DEPTOR: variants seen among roughly 807,000 people sequenced by gnomAD.
DEPTOR encodes the protein DEP domain-containing mTOR-interacting protein.
Under a neutral mutation model 41.6 loss-of-function variants are expected in DEPTOR, and 41 were observed. The observed-to-expected ratio is 0.98, with a 90% CI of 0.77 to 1.28. DEPTOR has a LOEUF of 1.28. DEPTOR is among the 50% of genes most tolerant of loss of function. DEPTOR has a pLI of 0.00. For missense variants in DEPTOR, 514 were observed against 527.9 expected (o/e 0.97, Z 0.26); for synonymous variants, 195 against 192.3 (o/e 1.01, Z -0.12).
intron 2 of DEPTOR, 143 bp downstream of exon 2, chr8:119,928,721 C>T: frequency 4.5e-6 from 3 of 668,462 alleles, no homozygotes; most frequent in Admixed American, 4.1e-5. Context: ...CTTCCTGCCT[C>T]TAAGAGGCAT....
intron 4 of DEPTOR, among the ~76,000 whole-genome samples, chr8:119,988,171 G>C (rs767909276): frequency 5.3e-5 from 8 of 152,166 alleles, no homozygotes; most frequent in Non-Finnish European, 1.2e-4. Flanking sequence ...CTGGTCTGCG[G>C]GTTGTGAAGA....
intron 8 of DEPTOR, among the ~76,000 whole-genome samples, chr8:120,034,417 C>CT (rs951920873): frequency 2.3e-4 from 33 of 144,320 alleles, no homozygotes; most frequent in South Asian, 1.8e-3. Context: ...AAATCAGTAA[C>CT]TTTTTTTTTC....
intron 4 of DEPTOR, among the ~76,000 whole-genome samples, chr8:119,998,063 A>G (rs993274583): frequency 1.3e-5 from 2 of 152,184 alleles, no homozygotes; most frequent in Non-Finnish European, 2.9e-5. Flanking sequence ...CTAACTCAAT[A>G]CATGGTAGTT....
intron 3 of DEPTOR, among the ~76,000 whole-genome samples, chr8:119,961,791 T>G (rs1828496180): frequency 6.6e-6 from 1 of 152,142 alleles, no homozygotes; most frequent in Non-Finnish European, 1.5e-5. Context: ...TAGTTCAATT[T>G]GTATTGTATA....
chr8:119,923,399 A>C (rs936886209), intron 1 of DEPTOR, among the ~76,000 whole-genome samples: 1 of 151,876 alleles, frequency 6.6e-6, no homozygotes, highest in Admixed American at 6.6e-5. Flanking sequence ...GTGTGCCACA[A>C]CACCCAGCTA....
Position 119,873,744 on chromosome 8 carries a change from C to T in DEPTOR, c.-103C>T. On this transcript the variant is annotated 5_prime_UTR_variant, in exon 1 of 9. Transcript: ENST00000286234. The stretch of plus-strand genomic sequence containing the variant: ...TCCAGTCAGAGCAGCGGAGCTGCCC[C>T]GAACAAAGATGGCGCGGGAAGCGTC... 6.6e-7 allele frequency: 1 copy of T among 1,517,686 alleles called. No homozygotes were observed. The highest frequency in any genetic ancestry group is 2.4e-5 in the East Asian group (1 of 41,062). 94.0% of individuals were successfully genotyped at this position (1,517,686 alleles called of 1,614,324 possible). A position where few individuals can be genotyped will look rare whatever the true frequency, so the allele number is the denominator to read the frequency against.
intron 1 of DEPTOR, among the ~76,000 whole-genome samples, chr8:119,889,738 C>T (rs1049323002): frequency 1.3e-5 from 2 of 149,818 alleles, no homozygotes. Flanking sequence ...GGGCTTAAGA[C>T]CATAAACCTA....
At chr8:119,959,048 G>A (rs1828454845) in intron 3 of DEPTOR, among the ~76,000 whole-genome samples, 1 of 151,440 alleles carries the variant, frequency 6.6e-6, no homozygotes, top group South Asian at 2.1e-4. Context: ...AGAAGGGGTT[G>A]TCCATTATTA....
intron 3 of DEPTOR, among the ~76,000 whole-genome samples, chr8:119,938,465 TA>T (rs1214079012): frequency 6.6e-6 from 1 of 152,206 alleles, no homozygotes; most frequent in African/African-American, 2.4e-5. Context: ...ATTTTTCACC[TA>T]GAAATACATG....
At chr8:120,042,715 C>T (rs983681243) in intron 8 of DEPTOR, among the ~76,000 whole-genome samples, 1 of 151,970 alleles carries the variant, frequency 6.6e-6, no homozygotes, top group African/African-American at 2.4e-5. Context: ...GACAGGGTCT[C>T]ACCATGTTGG....
intron 1 of DEPTOR, among the ~76,000 whole-genome samples, chr8:119,894,110 C>G (rs185014723): frequency 1.8e-3 from 270 of 152,170 alleles, no homozygotes; most frequent in Non-Finnish European, 3.5e-3. Flanking sequence ...CCTTTGTTGC[C>G]CAGGCTGAAA....
intron 1 of DEPTOR, among the ~76,000 whole-genome samples, chr8:119,875,007 C>T (rs577199459): frequency 3.3e-5 from 5 of 152,060 alleles, no homozygotes; most frequent in Middle Eastern, 3.2e-3. Flanking sequence ...GAAAGAGTGT[C>T]TTGCAAAGGT....
At chr8:119,877,999 T>G (rs1265485206) in intron 1 of DEPTOR, among the ~76,000 whole-genome samples, 2 of 152,150 alleles carry the variant, frequency 1.3e-5, no homozygotes, top group Non-Finnish European at 2.9e-5. Flanking sequence ...TGGCGCGATC[T>G]CGGCTCACCG....
At chr8:120,009,641 A>G (rs1211696375) in intron 8 of DEPTOR, among the ~76,000 whole-genome samples, 1 of 152,018 alleles carries the variant, frequency 6.6e-6, no homozygotes, top group Non-Finnish European at 1.5e-5. Flanking sequence ...AACAACAACA[A>G]CAACAACAAA....
chr8:119,986,603 A>G (rs1012812970), intron 4 of DEPTOR, among the ~76,000 whole-genome samples: 3 of 152,026 alleles, frequency 2.0e-5, no homozygotes, highest in African/African-American at 4.8e-5. Flanking sequence ...GTTCTCCTGG[A>G]TAATATCCTG....
intron 6 of DEPTOR, among the ~76,000 whole-genome samples, chr8:120,004,436 T>C (rs1206920234): frequency 6.6e-6 from 1 of 152,182 alleles, no homozygotes; most frequent in African/African-American, 2.4e-5. Flanking sequence ...AGAAATGGGA[T>C]GTTTGAAGCC....
At chr8:120,002,812 A>ATATATAT (rs71306853) in intron 5 of DEPTOR, among the ~76,000 whole-genome samples, 165 bp from the exon 6 acceptor site, 9 of 130,116 alleles carry the variant, frequency 6.9e-5, no homozygotes, top group East Asian at 2.5e-4. Flanking sequence ...ATATATATAT[A>ATATATAT]ATATAAAGTA....
Position 120,049,466 on chromosome 8 carries a change from G to A in DEPTOR, c.1102-110G>A, listed in dbSNP as rs142106610. ...TTGGAGTCGTCAGCTGGATACATTTGGATATTTTAAGAATGAAGTTACCTG... is the reference window on the plus strand; with the variant it reads ...TTGGAGTCGTCAGCTGGATACATTTAGATATTTTAAGAATGAAGTTACCTG... On this transcript the variant is annotated intron_variant, in intron 8 of 8. Transcript: ENST00000286234. 959 of 1,299,846 alleles carry A rather than the reference G, an allele frequency of 7.4e-4. 2 individuals are homozygous for A. The African/African-American group carries it at 0.013, about 17-fold the overall frequency. The allele number at this position is 1,299,846 out of a possible 1,614,324, so 80.5% of individuals were successfully genotyped here. A position where few individuals can be genotyped will look rare whatever the true frequency, so the allele number is the denominator to read the frequency against.
intron 3 of DEPTOR, among the ~76,000 whole-genome samples, chr8:119,952,008 G>C (rs552984893): frequency 2.0e-5 from 3 of 152,086 alleles, no homozygotes; most frequent in Non-Finnish European, 4.4e-5. Flanking sequence ...GGAGGCACAC[G>C]CCTGTAATCC....
Sources: allele counts gnomAD v4.1 joint callset (sites outside exome capture counted in the v4.1 genomes callset), GRCh38; gene constraint gnomAD v4.1.1; transcripts MANE v1.5; gene names NCBI Gene and HGNC (gene_info 2026-07-23, HGNC 2026-07-21).